Variants in ZNF335 observed in about 807,000 individuals in gnomAD.
ZNF335 encodes NRC-interacting factor 1.
ZNF335 carries 84 observed loss-of-function variants against 145.6 expected under a neutral mutation model. The observed-to-expected ratio is 0.58, with a 90% CI of 0.48 to 0.69. The LOEUF (loss-of-function observed/expected upper bound fraction) is 0.69, where lower values mean the gene tolerates loss of function less well. Ranked by LOEUF, ZNF335 falls within the 30% of genes least tolerant of loss-of-function variation. The pLI is 0.00. For missense variants in ZNF335, 1,865 were observed against 1,809.7 expected (o/e 1.03, Z -0.55); for synonymous variants, 761 against 717.0 (o/e 1.06, Z -0.98).
At position 45,960,461 on chromosome 20, in the gene ZNF335, A is replaced by G. The variant is rs147888681; in HGVS notation, c.1847T>C (p.Val616Ala). 11 of 1,614,094 alleles carry G rather than the reference A, an allele frequency of 6.8e-6. No homozygotes were observed. Among genetic ancestry groups the G allele is most frequent in the Non-Finnish European group, 8.5e-6 (10 of 1,180,036 alleles). The stretch of plus-strand genomic sequence containing the variant: ...CAAGGGGATGTACCTGCGGTTGGCA[A>G]CAGCCTGGATGTGCGTGAGCAGGTG... ...KMHLLTHIQA[V>A]ANRRFKCEFC... The change falls in exon 13 of 28, where the codon GTT (valine) becomes GCT (alanine). Residue 616 changes from valine (V) to alanine (A), a missense_variant. Val to Ala is a moderately conservative substitution (Grantham distance 64). Transcript: ENST00000322927.
chr20:45,967,347 C>A, intron 6 of ZNF335, 147 bp downstream of exon 6: 1 of 1,268,236 alleles, frequency 7.9e-7, no homozygotes, highest in Non-Finnish European at 1.1e-6. Context: ...AGTCCTGGTC[C>A]CAGAGCACAA....
chr20:45,969,434 T>C lies in ZNF335; in HGVS notation c.442+17A>G. On this transcript the variant is annotated intron_variant, in intron 3 of 27. Coordinates refer to ENST00000322927, the MANE Select transcript of ZNF335 (RefSeq NM_022095.4). The stretch of plus-strand genomic sequence containing the variant: ...CACTGCAGGAAAACCCCTGTGGGGC[T>C]CCTCTGCCTGACTCACTCTGGATGA... 1 of 1,494,990 alleles carries C rather than the reference T, an allele frequency of 6.7e-7. No homozygotes were observed. The allele number at this position is 1,494,990 out of a possible 1,614,324, so 92.6% of individuals were successfully genotyped here. A position where few individuals can be genotyped will look rare whatever the true frequency, so the allele number is the denominator to read the frequency against.
chr20:45,969,599 C>T lies in ZNF335; in HGVS notation c.294G>A (p.Gly98=). Residue 98 remains glycine, a synonymous_variant, in exon 3 of 28, where the codon GGG becomes GGA. Coordinates refer to ENST00000322927, the MANE Select transcript of ZNF335 (RefSeq NM_022095.4). ...SSSVSHGPVA[G]VTGGPPALVH... ...CAAGTGCTGGGGGACCGCCTGTCAC[C>T]CCTGCCACTGGCCCATGAGACACAG... The T allele has an allele frequency of 6.2e-7, 1 of 1,608,376 alleles. No homozygotes were observed. The highest frequency in any genetic ancestry group is 8.5e-7 in the Non-Finnish European group (1 of 1,175,748).
At position 45,960,724 on chromosome 20, in the gene ZNF335, C is replaced by G; in HGVS notation, c.1674G>C (p.Lys558Asn). ...DRKKRPDPTP[K>N]LSSFPCPVCG... ...ACACAGGGCAGGGGAAAGAGCTCAG[C>G]TTTGGAGTCTAGGAAGGCATAAGAA... Residue 558 changes from lysine (K) to asparagine (N), a missense_variant, in exon 12 of 28, where the codon AAG (lysine) becomes AAC (asparagine). Transcript: ENST00000322927. 1 of 1,613,934 alleles carries G rather than the reference C, an allele frequency of 6.2e-7. No individual in the cohort carries two copies. The highest frequency in any genetic ancestry group is 8.5e-7 in the Non-Finnish European group (1 of 1,179,912).
Position 45,959,188 on chromosome 20 carries a change from GC to G in ZNF335, c.2253+12del. 7.3e-7 allele frequency: 1 copy of G among 1,362,726 alleles called. No individual in the cohort carries two copies. The highest frequency in any genetic ancestry group is 9.6e-7 in the Non-Finnish European group (1 of 1,044,594). 84.4% of individuals were successfully genotyped at this position (1,362,726 alleles called of 1,614,324 possible). A position where few individuals can be genotyped will look rare whatever the true frequency, so the allele number is the denominator to read the frequency against. On this transcript the variant is annotated intron_variant, in intron 15 of 27. Transcript: ENST00000322927. ...GCCTCACTCTGTCATCCTGACCCATGCCCCGACCTTACCTCAGGAGGTCCTG... is the reference window on the plus strand; with the variant it reads ...GCCTCACTCTGTCATCCTGACCCATGCCCGACCTTACCTCAGGAGGTCCTG...
chr20:45,968,172 C>T (rs925534212), intron 4 of ZNF335, 113 bp downstream of exon 4: 24 of 1,499,782 alleles, frequency 1.6e-5, no homozygotes, highest in Non-Finnish European at 2.2e-5. Flanking sequence ...AAACTGAGAC[C>T]CAGAGCAGTG....
At chr20:45,969,819 C>T (rs1445347649) in intron 2 of ZNF335, 128 bp from the exon 3 acceptor site, 1 of 1,314,310 alleles carries the variant, frequency 7.6e-7, no homozygotes, top group Non-Finnish European at 1.0e-6. Flanking sequence ...CACTCATGCC[C>T]TCAGCCCCAC....
chr20:45,960,219 ACAG>A lies in ZNF335; in HGVS notation c.2006_2008del (p.Ala669del), dbSNP rs2083812632. On this transcript the variant is annotated inframe_deletion, in exon 14 of 28. Coordinates refer to ENST00000322927, the MANE Select transcript of ZNF335 (RefSeq NM_022095.4). ...GTGTCCAGCCTGACCTGTGTGCTTGACAGCCACATGGGACAGCAAGAAGTCCTC... is the reference window on the plus strand; with the variant it reads ...GTGTCCAGCCTGACCTGTGTGCTTGACCACATGGGACAGCAAGAAGTCCTC... The A allele has an allele frequency of 6.2e-7, 1 of 1,614,020 alleles. No homozygotes were observed. Among genetic ancestry groups the A allele is most frequent in the Admixed American group, 1.7e-5 (1 of 59,996 alleles).
At chr20:45,958,001 G>C in intron 15 of ZNF335, 73 bp from the exon 16 acceptor site, 3 of 1,195,116 alleles carry the variant, frequency 2.5e-6, no homozygotes, top group Non-Finnish European at 3.7e-6. Flanking sequence ...AAGCACCTCT[G>C]ATCTGCCAGA....
At chr20:45,952,996 A>T (rs1217980787) in intron 18 of ZNF335, among the ~76,000 whole-genome samples, 1 of 152,256 alleles carries the variant, frequency 6.6e-6, no homozygotes, top group Admixed American at 6.5e-5. Flanking sequence ...TAACCCAACC[A>T]GTAGCAAACG....
intron 10 of ZNF335, 24 bp downstream of exon 10, chr20:45,962,046 G>A: frequency 1.1e-6 from 1 of 910,902 alleles, no homozygotes; most frequent in Non-Finnish European, 1.7e-6. Context: ...CTCTTGCCCA[G>A]GTCCCTCCCA....
rs753888773 is a variant in ZNF335, at chr20:45,963,501, T to A, written c.1505A>T (p.Tyr502Phe). The A allele has an allele frequency of 6.2e-7, 1 of 1,613,826 alleles. No individual in the cohort carries two copies. Among genetic ancestry groups the A allele is most frequent in the East Asian group, 2.2e-5 (1 of 44,874 alleles). ...PQLFKCLQCS[Y>F]RSRRWSSLKE... ...GAGCGAGGACCAGCGGCGGGAACGA[T>A]AGCTGCACTGCAGGCACTTGAAGAG... The change falls in exon 9 of 28, where the codon TAT becomes TTT. Residue 502 changes from tyrosine (Y) to phenylalanine (F), a missense_variant. Tyr to Phe is a conservative substitution (Grantham distance 22). Coordinates refer to ENST00000322927, the MANE Select transcript of ZNF335 (RefSeq NM_022095.4).
chr20:45,959,138 A>G, intron 15 of ZNF335, 63 bp downstream of exon 15: 1 of 1,260,804 alleles, frequency 7.9e-7, no homozygotes, highest in Non-Finnish European at 1.0e-6. Context: ...TCAATGTGCA[A>G]ATGATGCTGG....
intron 9 of ZNF335, 31 bp downstream of exon 9, chr20:45,963,442 C>A: frequency 6.3e-7 from 1 of 1,592,124 alleles, no homozygotes; most frequent in Non-Finnish European, 8.6e-7. Flanking sequence ...TTCACCCTCC[C>A]ATGAGCCCCA....
At position 45,967,650 on chromosome 20, in the gene ZNF335, G is replaced by A. The variant is rs374630464; in HGVS notation, c.815-16C>T. The stretch of plus-strand genomic sequence containing the variant: ...GCTGCTGCTACTGGAAGTGGAGGGA[G>A]GGTAAGACAAGCTTGCCATGTCTGG... On this transcript the variant is annotated splice_polypyrimidine_tract_variant and intron_variant, in intron 5 of 27. Coordinates refer to ENST00000322927, the MANE Select transcript of ZNF335 (RefSeq NM_022095.4). 69 of 1,613,284 alleles carry A rather than the reference G, an allele frequency of 4.3e-5. No individual in the cohort carries two copies. Among genetic ancestry groups the A allele is most frequent in the Middle Eastern group, 3.3e-4 (2 of 6,078 alleles).
At chr20:45,959,047 C>T (rs1323588693) in intron 15 of ZNF335, among the ~76,000 whole-genome samples, 154 bp downstream of exon 15, 1 of 152,236 alleles carries the variant, frequency 6.6e-6, no homozygotes, top group African/African-American at 2.4e-5. Context: ...GCCACCCTTA[C>T]TCTAAGCTTA....
chr20:45,969,681 G>A lies in ZNF335; in HGVS notation c.212C>T (p.Ser71Phe), dbSNP rs753825510. The A allele has an allele frequency of 2.5e-6, 4 of 1,611,538 alleles. No individual in the cohort carries two copies. Among genetic ancestry groups the A allele is most frequent in the Non-Finnish European group, 3.4e-6 (4 of 1,179,088 alleles). ...DRGSRSQEEV[S>F]ESSSSADPLP... Reference sequence around the variant, plus strand: ...GGGGTCTGCGCTCGAGCTGCTCTCAGATACCTCCTCCTGAGGGGCATGAAA... The same window carrying A: ...GGGGTCTGCGCTCGAGCTGCTCTCAAATACCTCCTCCTGAGGGGCATGAAA... The change falls in exon 3 of 28, where the codon TCT becomes TTT. Residue 71 changes from serine (S) to phenylalanine (F), a missense_variant. Transcript: ENST00000322927.
At chr20:45,966,439 C>T (rs1248319919) in intron 6 of ZNF335, among the ~76,000 whole-genome samples, 3 of 151,940 alleles carry the variant, frequency 2.0e-5, no homozygotes, top group Admixed American at 6.6e-5. Flanking sequence ...CAGGCACAGC[C>T]GCTCACACCT....
In ZNF335 at chr20:45,965,646, T is replaced by C. The variant is rs1160702231; in HGVS notation, c.1084A>G (p.Ile362Val). ...GCCTCACCATCTGGGAGGTCTGAGA[T>C]CTCCAGGCGGGGCAGCTTCCGGGGC... ...GRPRKLPRLE[I>V]SDLPDGVEGE... The change falls in exon 7 of 28, where the codon ATC becomes GTC. Residue 362 changes from isoleucine (I) to valine (V), a missense_variant. Coordinates refer to ENST00000322927, the MANE Select transcript of ZNF335 (RefSeq NM_022095.4). 3 of 1,599,708 alleles carry C rather than the reference T, an allele frequency of 1.9e-6. No homozygotes were observed. The highest frequency in any genetic ancestry group is 3.4e-5 in the Admixed American group (2 of 58,286).
Sources: gnomAD v4.1 joint callset for allele counts (sites outside exome capture counted in the v4.1 genomes callset) on GRCh38, gnomAD v4.1.1 for gene constraint, MANE v1.5 for transcripts, NCBI Gene and HGNC (gene_info 2026-07-23, HGNC 2026-07-21) for gene names.